The following STS variants were observed in gnomAD, a reference collection of about 807,000 sequenced individuals.
STS encodes steryl-sulfatase.
In STS, 7 loss-of-function variants were observed where a neutral mutation model predicts 26.8. The ratio of observed to expected loss-of-function variants is 0.26; its 90% CI spans 0.15 to 0.49. The LOEUF is 0.49. Ranked by LOEUF, STS falls within the 20% of genes least tolerant of loss-of-function variation. STS has a pLI of 0.98. For missense variants in STS, 434 were observed against 465.6 expected (o/e 0.93, Z 0.63); for synonymous variants, 199 against 189.4 (o/e 1.05, Z -0.42).
intron 1 of STS, among the ~76,000 whole-genome samples, chrX:7,168,447 A>G (rs781773138): frequency 8.9e-6 from 1 of 112,101 alleles, no homozygotes; most frequent in African/African-American, 3.2e-5. Flanking sequence ...TATTCTTGTC[A>G]TGACAAAGTC....
intron 6 of STS, among the ~76,000 whole-genome samples, chrX:7,264,221 T>G (rs1923892326): frequency 8.9e-6 from 1 of 112,044 alleles, no homozygotes; most frequent in African/African-American, 3.2e-5. Flanking sequence ...CTTACCCAGG[T>G]GCCAGAGACT....
chrX:7,339,009 A>G (rs1232761262), intron 10 of STS, among the ~76,000 whole-genome samples: 1 of 112,449 alleles, frequency 8.9e-6, no homozygotes, highest in African/African-American at 3.2e-5. Context: ...ATGGTTTAAA[A>G]TCAAAACCAG....
intron 2 of STS, among the ~76,000 whole-genome samples, chrX:7,225,854 A>C (rs1921779249): frequency 8.9e-6 from 1 of 112,012 alleles, no homozygotes; most frequent in African/African-American, 3.2e-5. Flanking sequence ...CTTTTTAAGG[A>C]AACAAACTCT....
At chrX:7,161,162 T>G (rs1933236901) in intron 1 of STS, among the ~76,000 whole-genome samples, 1 of 109,228 alleles carries the variant, frequency 9.2e-6, no homozygotes, top group Admixed American at 9.9e-5. Flanking sequence ...AGATGGGGTT[T>G]TGCCATGTTG....
In STS at chrX:7,305,122, A is replaced by G. The variant is rs1484715299; in HGVS notation, c.1020A>G (p.Ala340=). The G allele has an allele frequency of 8.3e-7, 1 of 1,209,594 alleles. No homozygotes were observed. Among genetic ancestry groups the G allele is most frequent in the Admixed American group, 2.2e-5 (1 of 45,738 alleles). The change falls in exon 8 of 11, where the codon GCA becomes GCG. Residue 340 remains alanine, a synonymous_variant. Coordinates refer to ENST00000674429, the MANE Select transcript of STS (RefSeq NM_001320752.2). ...TLIYFTSDQG[A]HVEEVSSKGE... ...TCTACTTCACATCGGACCAGGGAGC[A>G]CATGTAGAAGAAGTGTCTTCCAAAG...
At chrX:7,209,238 C>A (rs370945712) in intron 2 of STS, among the ~76,000 whole-genome samples, 184 of 110,767 alleles carry the variant, frequency 1.7e-3, no homozygotes, top group African/African-American at 5.7e-3. Context: ...GGTGCCAGAT[C>A]TTCCATAGCA....
intron 1 of STS, among the ~76,000 whole-genome samples, chrX:7,163,844 G>A (rs1933296958): frequency 1.8e-5 from 2 of 111,865 alleles, no homozygotes; most frequent in Non-Finnish European, 3.8e-5. Context: ...TTTTTAGATA[G>A]GGTCTCATTC....
intron 7 of STS, among the ~76,000 whole-genome samples, chrX:7,280,221 G>C (rs1341615244): frequency 2.7e-5 from 3 of 111,429 alleles, no homozygotes; most frequent in African/African-American, 9.8e-5. Flanking sequence ...ATAGGTTTAG[G>C]GGAGAATGTT....
intron 2 of STS, among the ~76,000 whole-genome samples, chrX:7,206,998 C>A (rs942360489): frequency 2.7e-5 from 3 of 111,589 alleles, no homozygotes; most frequent in East Asian, 5.6e-4. Flanking sequence ...TTGCTTGAGC[C>A]CATGAGTTGG....
chrX:7,148,159 C>T lies in STS; in HGVS notation c.-134+76C>T, dbSNP rs750981166. The stretch of plus-strand genomic sequence containing the variant: ...GGTGGGGGCGAGGAGGAAGTGCGCG[C>T]GCACCCGCCCGCCCCGCGCACGCGC... On this transcript the variant is annotated intron_variant, in intron 1 of 10. Transcript: ENST00000674429. 2.2e-5 allele frequency: 20 copies of T among 927,491 alleles called. No homozygotes were observed. In the South Asian group the frequency reaches 4.5e-4, roughly 21 times the overall value. 76.4% of individuals were successfully genotyped at this position (927,491 alleles called of 1,213,427 possible).
At chrX:7,151,730 T>A (rs1165531692) in intron 1 of STS, among the ~76,000 whole-genome samples, 1 of 111,122 alleles carries the variant, frequency 9.0e-6, no homozygotes, top group Non-Finnish European at 1.9e-5. Context: ...TTTGCTTCTC[T>A]GCAGTGTTGG....
intron 6 of STS, among the ~76,000 whole-genome samples, chrX:7,260,965 C>T (rs1231566773): frequency 1.8e-5 from 2 of 111,026 alleles, no homozygotes; most frequent in Non-Finnish European, 3.8e-5. Flanking sequence ...TAACCATCAA[C>T]AGTGGAGCAG....
At chrX:7,167,905 A>G (rs746042474) in intron 1 of STS, among the ~76,000 whole-genome samples, 5 of 108,556 alleles carry the variant, frequency 4.6e-5, no homozygotes, top group Admixed American at 9.9e-5. Context: ...TGTTGTCCAG[A>G]CTGGTCTCAA....
Position 7,190,962 on chromosome X carries a change from A to G in STS, c.-51A>G. ...CACACAGTCATCTCAGTAAGTTAAG[A>G]TCTTCCTGAGGACAATGGCGCAAGA... On this transcript the variant is annotated 5_prime_UTR_variant, in exon 2 of 11. Transcript: ENST00000674429. 1.3e-6 allele frequency: 1 copy of G among 753,283 alleles called. No individual in the cohort carries two copies. Among genetic ancestry groups the G allele is most frequent in the Non-Finnish European group, 1.6e-6 (1 of 638,858 alleles). 62.1% of individuals were successfully genotyped at this position (753,283 alleles called of 1,213,427 possible).
chrX:7,232,321 G>A (rs766307132), intron 2 of STS, among the ~76,000 whole-genome samples: 6 of 112,219 alleles, frequency 5.3e-5, no homozygotes, highest in East Asian at 5.7e-4. Context: ...TAGGGCTAGC[G>A]AAACCTTTAT....
rs142627706 is a variant in STS at position 7,327,861 on chromosome X, G to C, written c.1241+2363G>C. Among the ~76,000 whole-genome samples the C allele has an allele frequency of 9.1e-3, 1,017 of 112,137 alleles. 7 individuals are homozygous for C. Among genetic ancestry groups the C allele is most frequent in the Non-Finnish European group, 0.016 (831 of 53,219 alleles). Reference sequence around the variant, plus strand: ...AAGGCATGAATGTTTGCCATTTCTTGTTTTGCCTATCATTTTGAGGTAGTA... The same window carrying C: ...AAGGCATGAATGTTTGCCATTTCTTCTTTTGCCTATCATTTTGAGGTAGTA... On this transcript the variant is annotated intron_variant, in intron 9 of 10. Coordinates refer to ENST00000674429, the MANE Select transcript of STS (RefSeq NM_001320752.2).
intron 1 of STS, among the ~76,000 whole-genome samples, chrX:7,162,803 T>C (rs752999047): frequency 9.6e-4 from 100 of 104,378 alleles, no homozygotes; most frequent in African/African-American, 3.3e-3. Context: ...TCCCAGCACT[T>C]TGGGAGGCGG....
chrX:7,263,157 C>A (rs1169853462), intron 6 of STS, among the ~76,000 whole-genome samples: 1 of 111,562 alleles, frequency 9.0e-6, no homozygotes, highest in Non-Finnish European at 1.9e-5. Flanking sequence ...CAATCTCCCC[C>A]TCCCGGGTTT....
At position 7,147,966 on chromosome X, in the gene STS, C is replaced by T; in HGVS notation, c.-251C>T. The T allele has an allele frequency of 1.4e-6, 1 of 729,710 alleles. No homozygotes were observed. Among genetic ancestry groups the T allele is most frequent in the Non-Finnish European group, 2.0e-6 (1 of 495,585 alleles). 60.1% of individuals were successfully genotyped at this position (729,710 alleles called of 1,213,427 possible). A position where few individuals can be genotyped will look rare whatever the true frequency, so the allele number is the denominator to read the frequency against. The stretch of plus-strand genomic sequence containing the variant: ...TGCATGAACACCGCCCCGCCGCGGC[C>T]CCCAGGCCGTGACGTACCCCGCGCC... On this transcript the variant is annotated 5_prime_UTR_variant, in exon 1 of 11. Coordinates refer to ENST00000674429, the MANE Select transcript of STS (RefSeq NM_001320752.2).
Sources: allele counts gnomAD v4.1 joint callset (sites outside exome capture counted in the v4.1 genomes callset), GRCh38; gene constraint gnomAD v4.1.1; transcripts MANE v1.5; gene names NCBI Gene and HGNC (gene_info 2026-07-23, HGNC 2026-07-21).